Variants in PRR5L observed in about 807,000 individuals in gnomAD.
PRR5L encodes proline rich 5 like.
A neutral mutation model predicts 36.4 loss-of-function variants in PRR5L; 21 were observed. The observed-to-expected ratio is 0.58, with a 90% CI of 0.41 to 0.83. The LOEUF (loss-of-function observed/expected upper bound fraction) is 0.83. PRR5L is among the 40% of genes least tolerant of loss of function. The pLI, the probability that PRR5L is intolerant of heterozygous loss-of-function variation, is 0.00. For synonymous variants in PRR5L, 188 were observed against 197.0 expected, an observed-to-expected ratio of 0.95 and a Z score of 0.38; for missense variants, 381 against 473.3, an observed-to-expected ratio of 0.80 and a Z score of 1.81.
At chr11:36,328,320 A>G (rs1394850975) in intron 1 of PRR5L, among the ~76,000 whole-genome samples, 1 of 152,110 alleles carries the variant, frequency 6.6e-6, no homozygotes, top group Non-Finnish European at 1.5e-5. Flanking sequence ...CTTATGTCCA[A>G]TTGTAATCCC....
intron 1 of PRR5L, among the ~76,000 whole-genome samples, chr11:36,356,002 C>T (rs1857023767): frequency 6.6e-6 from 1 of 151,994 alleles, no homozygotes. Context: ...GCCTTGACCT[C>T]CCAGGCTCAA....
chr11:36,440,911 G>A (rs1858708149), intron 6 of PRR5L, among the ~76,000 whole-genome samples: 1 of 152,148 alleles, frequency 6.6e-6, no homozygotes, highest in Admixed American at 6.5e-5. Context: ...TACTAATAGA[G>A]TGAGAACTAA....
At chr11:36,305,103 G>T (rs974624189) in intron 1 of PRR5L, among the ~76,000 whole-genome samples, 4 of 152,130 alleles carry the variant, frequency 2.6e-5, no homozygotes, top group Non-Finnish European at 5.9e-5. Context: ...ATTCATAATA[G>T]CCAAAAGGTG....
intron 4 of PRR5L, among the ~76,000 whole-genome samples, chr11:36,419,738 A>G (rs1858222248): frequency 6.6e-6 from 1 of 152,256 alleles, no homozygotes; most frequent in African/African-American, 2.4e-5. Flanking sequence ...CATAGAAGAC[A>G]GTTGGATTCT....
intron 3 of PRR5L, among the ~76,000 whole-genome samples, chr11:36,417,609 G>A (rs534621418): frequency 2.0e-5 from 3 of 152,322 alleles, no homozygotes; most frequent in African/African-American, 7.2e-5. Context: ...ATTCTGTCAT[G>A]GGAAAAGGAA....
At chr11:36,319,413 C>CCTTGATCT (rs1856591004) in intron 1 of PRR5L, among the ~76,000 whole-genome samples, 1 of 152,246 alleles carries the variant, frequency 6.6e-6, no homozygotes, top group South Asian at 2.1e-4. Context: ...GATCTAGCGG[C>CCTTGATCT]ACCTGACTTT....
At chr11:36,395,928 C>A (rs1857650020) in intron 1 of PRR5L, among the ~76,000 whole-genome samples, 1 of 152,070 alleles carries the variant, frequency 6.6e-6, no homozygotes, top group African/African-American at 2.4e-5. Flanking sequence ...CAGGGTCTCA[C>A]TACATTTCCC....
chr11:36,332,896 A>G (rs1188305603), intron 1 of PRR5L, among the ~76,000 whole-genome samples: 2 of 152,170 alleles, frequency 1.3e-5, no homozygotes. Flanking sequence ...CCATGAACCA[A>G]ATAAACCTCT....
intron 8 of PRR5L, among the ~76,000 whole-genome samples, chr11:36,457,580 T>C (rs1227454114): frequency 1.3e-5 from 2 of 149,216 alleles, no homozygotes; most frequent in Admixed American, 6.7e-5. Flanking sequence ...CACTCCAGCC[T>C]GGGCAACAGA....
chr11:36,449,320 A>G (rs1023114369), intron 7 of PRR5L, among the ~76,000 whole-genome samples: 2 of 152,216 alleles, frequency 1.3e-5, no homozygotes, highest in East Asian at 1.9e-4. Context: ...CCACAGTGCC[A>G]TGAGACCTGG....
chr11:36,458,908 C>T (rs1859120629), intron 8 of PRR5L, among the ~76,000 whole-genome samples: 1 of 152,208 alleles, frequency 6.6e-6, no homozygotes, highest in African/African-American at 2.4e-5. Context: ...AGAGGGAACA[C>T]CTTTCTCTTG....
At chr11:36,325,290 G>C (rs56985814) in intron 1 of PRR5L, among the ~76,000 whole-genome samples, 1 of 152,190 alleles carries the variant, frequency 6.6e-6, no homozygotes, top group African/African-American at 2.4e-5. Flanking sequence ...TGGGCGCCTC[G>C]CTGGATCAGG....
chr11:36,449,847 A>G (rs547942528), intron 7 of PRR5L, among the ~76,000 whole-genome samples: 54 of 152,354 alleles, frequency 3.5e-4, no homozygotes, highest in African/African-American at 1.3e-3. Context: ...AGAGAAAACC[A>G]TCTAGCTCCA....
At chr11:36,415,712 C>G (rs1227684505) in intron 3 of PRR5L, among the ~76,000 whole-genome samples, 2 of 152,188 alleles carry the variant, frequency 1.3e-5, no homozygotes, top group African/African-American at 2.4e-5. Flanking sequence ...CCACTGCACT[C>G]CAGCTTGGGC....
In PRR5L at chr11:36,462,746, C is replaced by G. The variant is rs1859218763; in HGVS notation, c.*10C>G. ...TGCTTCCCTCAGCTGAGTCGCCACC[C>G]CTGGGCCTTTCCATCTCCTGTTTTG... On this transcript the variant is annotated 3_prime_UTR_variant, in exon 9 of 9. Transcript: ENST00000530639. The G allele has an allele frequency of 6.6e-7, 1 of 1,518,720 alleles. No individual in the cohort carries two copies. Among genetic ancestry groups the G allele is most frequent in the Non-Finnish European group, 8.8e-7 (1 of 1,134,108 alleles). 94.1% of individuals were successfully genotyped at this position (1,518,720 alleles called of 1,614,324 possible). A position where few individuals can be genotyped will look rare whatever the true frequency, so the allele number is the denominator to read the frequency against.
chr11:36,314,204 G>T lies in PRR5L; in HGVS notation c.-126+17766G>T, dbSNP rs145948010. 6.4e-3 allele frequency among the ~76,000 whole-genome samples: 980 copies of T among 152,294 alleles called. 12 individuals are homozygous for T. The highest frequency in any genetic ancestry group is 8.4e-3 in the Non-Finnish European group (570 of 68,030). ...AGAGGACCTAATTCAAATGAATCGTGTAGTTGACAAGCAGGAACTGAAATA... is the reference window on the plus strand; with the variant it reads ...AGAGGACCTAATTCAAATGAATCGTTTAGTTGACAAGCAGGAACTGAAATA... On this transcript the variant is annotated intron_variant, in intron 1 of 8. Coordinates refer to ENST00000530639, the MANE Select transcript of PRR5L (RefSeq NM_001160167.2).
chr11:36,451,329 A>C lies in PRR5L; in HGVS notation c.706A>C (p.Thr236Pro). The change falls in exon 8 of 9, where the codon ACG becomes CCG. Residue 236 changes from threonine (T) to proline (P), a missense_variant. Thr to Pro is a conservative substitution (Grantham distance 38). Coordinates refer to ENST00000530639, the MANE Select transcript of PRR5L (RefSeq NM_001160167.2). ...GDRSFSGPTY[T>P]LARRHSRVRP... is the part of the protein sequence containing the mutation. ...CCGTAGCTTCTCAGGCCCCACGTAC[A>C]CGCTGGGTAAGGAGTGCAGCTCTCA... 6.2e-7 allele frequency: 1 copy of C among 1,614,052 alleles called. No individual in the cohort carries two copies.
intron 1 of PRR5L, among the ~76,000 whole-genome samples, chr11:36,389,137 T>C (rs928504305): frequency 6.6e-6 from 1 of 152,098 alleles, no homozygotes; most frequent in African/African-American, 2.4e-5. Context: ...AAAACCCATG[T>C]TACATAAGCC....
chr11:36,327,670 A>G (rs914639217), intron 1 of PRR5L, among the ~76,000 whole-genome samples: 12 of 152,190 alleles, frequency 7.9e-5, no homozygotes, highest in African/African-American at 2.9e-4. Context: ...TCCTCTAAGC[A>G]TAGTCACCTA....
Sources: gnomAD v4.1 joint callset for allele counts (sites outside exome capture counted in the v4.1 genomes callset) on GRCh38, gnomAD v4.1.1 for gene constraint, MANE v1.5 for transcripts, NCBI Gene and HGNC (gene_info 2026-07-23, HGNC 2026-07-21) for gene names.